Variants in OPCML observed in about 807,000 individuals in gnomAD.
The protein encoded by OPCML is opioid-binding protein/cell adhesion molecule.
OPCML carries 13 observed loss-of-function variants against 37.8 expected under a neutral mutation model. The ratio of observed to expected loss-of-function variants is 0.34; its 90% CI spans 0.22 to 0.55. OPCML has a LOEUF of 0.55. Ranked by LOEUF, OPCML falls within the 20% of genes least tolerant of loss-of-function variation. The probability of loss-of-function intolerance (pLI) is 0.91; values close to 1 mark genes in which losing one functional copy is unlikely to be tolerated. For synonymous variants in OPCML, 176 were observed against 168.8 expected (o/e 1.04, Z -0.33); for missense variants, 341 against 435.6 (o/e 0.78, Z 1.93).
chr11:132,953,742 T>C (rs1418848589), intron 1 of OPCML, among the ~76,000 whole-genome samples: 1 of 152,212 alleles, frequency 6.6e-6, no homozygotes, highest in Admixed American at 6.5e-5. Context: ...GAGGTAGGTT[T>C]GCCAGGCTCT....
At chr11:133,507,223 G>A (rs1948053412) in intron 1 of OPCML, among the ~76,000 whole-genome samples, 1 of 152,218 alleles carries the variant, frequency 6.6e-6, no homozygotes, top group African/African-American at 2.4e-5. Context: ...ATACTGGACT[G>A]AGAAGACACA....
At chr11:132,680,046 C>G (rs1030113766) in intron 2 of OPCML, among the ~76,000 whole-genome samples, 1 of 152,024 alleles carries the variant, frequency 6.6e-6, no homozygotes, top group Non-Finnish European at 1.5e-5. Context: ...CTTTATCAAC[C>G]CACATGTATT....
At chr11:133,466,492 C>G (rs1421789980) in intron 1 of OPCML, among the ~76,000 whole-genome samples, 1 of 152,136 alleles carries the variant, frequency 6.6e-6, no homozygotes, top group African/African-American at 2.4e-5. Context: ...AGCACAGGTT[C>G]AGGAGGCCAG....
At chr11:133,350,509 A>G (rs1457545311) in intron 1 of OPCML, among the ~76,000 whole-genome samples, 1 of 152,178 alleles carries the variant, frequency 6.6e-6, no homozygotes, top group African/African-American at 2.4e-5. Context: ...GGAGATCCCA[A>G]TGTGAAGACA....
At chr11:133,083,075 A>G (rs1948761679) in intron 1 of OPCML, among the ~76,000 whole-genome samples, 1 of 151,844 alleles carries the variant, frequency 6.6e-6, no homozygotes, top group South Asian at 2.1e-4. Flanking sequence ...CCGCCCGGAA[A>G]CACCGCCTGC....
intron 3 of OPCML, among the ~76,000 whole-genome samples, chr11:132,584,902 T>G (rs892978628): frequency 2.0e-5 from 3 of 152,230 alleles, no homozygotes; most frequent in South Asian, 2.1e-4. Context: ...AAAACTAAAG[T>G]AAGGTATGGA....
chr11:133,191,216 A>G (rs1030587118), intron 1 of OPCML, among the ~76,000 whole-genome samples: 1 of 152,058 alleles, frequency 6.6e-6, no homozygotes, highest in Non-Finnish European at 1.5e-5. Context: ...TTATTTCCCT[A>G]ATGATCAGTG....
chr11:133,357,123 G>A (rs1183105469), intron 1 of OPCML, among the ~76,000 whole-genome samples: 1 of 152,158 alleles, frequency 6.6e-6, no homozygotes, highest in Admixed American at 6.5e-5. Context: ...GCTCAGACTG[G>A]AGACCCTAAA....
At chr11:133,321,129 C>A (rs1355630466) in intron 1 of OPCML, among the ~76,000 whole-genome samples, 1 of 152,008 alleles carries the variant, frequency 6.6e-6, no homozygotes, top group African/African-American at 2.4e-5. Flanking sequence ...ATAAAACATG[C>A]CGTATTTGGT....
At chr11:132,465,930 G>T (rs2096118196) in intron 4 of OPCML, among the ~76,000 whole-genome samples, 2 of 152,020 alleles carry the variant, frequency 1.3e-5, no homozygotes, top group African/African-American at 2.4e-5. Context: ...AAACTAAAAG[G>T]GATCATAGGC....
intron 4 of OPCML, among the ~76,000 whole-genome samples, chr11:132,502,700 A>G (rs563381422): frequency 6.6e-6 from 1 of 152,298 alleles, no homozygotes; most frequent in African/African-American, 2.4e-5. Context: ...AAGTGAAACA[A>G]GAGTTTTATT....
chr11:133,388,072 A>G (rs1303375680), intron 1 of OPCML, among the ~76,000 whole-genome samples: 2 of 152,152 alleles, frequency 1.3e-5, no homozygotes, highest in South Asian at 2.1e-4. Context: ...TCGGAGTCTT[A>G]AGGGAAGCTC....
intron 1 of OPCML, among the ~76,000 whole-genome samples, chr11:133,318,879 A>G (rs1313267467): frequency 6.6e-6 from 1 of 152,022 alleles, no homozygotes; most frequent in Non-Finnish European, 1.5e-5. Context: ...TCTACTAAAA[A>G]TACAAAAATT....
At chr11:132,667,347 A>C (rs950849449) in intron 2 of OPCML, among the ~76,000 whole-genome samples, 1 of 152,228 alleles carries the variant, frequency 6.6e-6, no homozygotes, top group Non-Finnish European at 1.5e-5. Flanking sequence ...AGTGGGGACC[A>C]TGGTCTGCAT....
chr11:133,199,197 G>A (rs1414545912), intron 1 of OPCML, among the ~76,000 whole-genome samples: 2 of 152,154 alleles, frequency 1.3e-5, no homozygotes, highest in Admixed American at 1.3e-4. Context: ...ACCTATGCAG[G>A]AGGTGGGGAG....
rs189929176 is a variant in OPCML at position 133,165,949 on chromosome 11, G to A, written c.62-222939C>T. On this transcript the variant is annotated intron_variant, in intron 1 of 7. Coordinates refer to ENST00000524381, the MANE Select transcript of OPCML (RefSeq NM_001012393.5). ...AGTGGGATCCAGCTGTAAGGCCAGC[G>A]GATGCCTCGGTGATGAAGACAATGC... is the stretch of plus-strand genomic sequence containing the variant. Among the ~76,000 whole-genome samples the A allele has an allele frequency of 3.9e-5, 6 of 152,282 alleles. No individual in the cohort carries two copies. The East Asian group carries it at 5.8e-4, about 15-fold the overall frequency.
At chr11:132,776,496 A>G (rs1359525270) in intron 2 of OPCML, among the ~76,000 whole-genome samples, 1 of 152,058 alleles carries the variant, frequency 6.6e-6, no homozygotes, top group African/African-American at 2.4e-5. Context: ...ATGGTTCAGT[A>G]CTATCCCCCT....
At chr11:132,755,688 G>A (rs1222629028) in intron 2 of OPCML, among the ~76,000 whole-genome samples, 1 of 152,104 alleles carries the variant, frequency 6.6e-6, no homozygotes, top group African/African-American at 2.4e-5. Context: ...GTAAACTGAG[G>A]TATGGAACGG....
At chr11:132,985,779 T>A (rs1324536301) in intron 1 of OPCML, among the ~76,000 whole-genome samples, 1 of 152,220 alleles carries the variant, frequency 6.6e-6, no homozygotes, top group Non-Finnish European at 1.5e-5. Context: ...CACACCTCCG[T>A]ATTTTCAAAT....
Sources: allele counts gnomAD v4.1 joint callset (sites outside exome capture counted in the v4.1 genomes callset), GRCh38; gene constraint gnomAD v4.1.1; transcripts MANE v1.5; gene names NCBI Gene and HGNC (gene_info 2026-07-23, HGNC 2026-07-21).